LNX1: variants seen among roughly 807,000 people sequenced by gnomAD.
LNX1 encodes the protein ligand of numb-protein X 1, also known as E3 ubiquitin-protein ligase LNX.
A neutral mutation model predicts 68.4 loss-of-function variants in LNX1; 54 were observed. That is an observed-to-expected ratio of 0.79 (90% CI 0.63 to 0.99). LNX1 has a LOEUF of 0.99. LNX1 is among the 50% of genes least tolerant of loss of function. The pLI is 0.00. For missense variants in LNX1, 906 were observed against 926.4 expected, an observed-to-expected ratio of 0.98 and a Z score of 0.29; for synonymous variants, 336 against 350.0, an observed-to-expected ratio of 0.96 and a Z score of 0.45.
chr4:53,644,359 G>A (rs571670718), intron 1 of LNX1, among the ~76,000 whole-genome samples: 31 of 152,182 alleles, frequency 2.0e-4, no homozygotes, highest in Non-Finnish European at 3.8e-4. Context: ...CCGAGATCAC[G>A]CCACTGCACT....
At chr4:53,580,273 C>G (rs1731753310) in intron 1 of LNX1, among the ~76,000 whole-genome samples, 1 of 152,150 alleles carries the variant, frequency 6.6e-6, no homozygotes, top group African/African-American at 2.4e-5. Context: ...CTTTTTAAGT[C>G]CTTTAATTAT....
At chr4:53,592,107 T>C (rs1211614058), upstream of LNX1, among the ~76,000 whole-genome samples, 1 of 152,162 alleles carries the variant, frequency 6.6e-6, no homozygotes, top group African/African-American at 2.4e-5. Flanking sequence ...CCAGCATTTT[T>C]AATTCCATAT....
At chr4:53,486,729 G>A (rs960042202) in intron 6 of LNX1, among the ~76,000 whole-genome samples, 5 of 152,180 alleles carry the variant, frequency 3.3e-5, no homozygotes, top group Non-Finnish European at 7.3e-5. Flanking sequence ...CGTCTGTATG[G>A]AAGGACTGGC....
At chr4:53,490,362 T>C (rs1405198612) in intron 6 of LNX1, among the ~76,000 whole-genome samples, 1 of 152,256 alleles carries the variant, frequency 6.6e-6, no homozygotes, top group Non-Finnish European at 1.5e-5. Context: ...TTTCATACAG[T>C]TATTCCAGTC....
intron 1 of LNX1, among the ~76,000 whole-genome samples, chr4:53,622,936 G>GT (rs1733940539): frequency 6.6e-6 from 1 of 152,182 alleles, no homozygotes; most frequent in Non-Finnish European, 1.5e-5. Context: ...CTGGAGGAGA[G>GT]TTTTAATGAG....
intron 4 of LNX1, among the ~76,000 whole-genome samples, chr4:53,506,653 G>A (rs1194863693): frequency 1.3e-5 from 2 of 151,830 alleles, no homozygotes; most frequent in Non-Finnish European, 2.9e-5. Flanking sequence ...TCAGGAGTTC[G>A]AGACTAGCAT....
intron 1 of LNX1, among the ~76,000 whole-genome samples, chr4:53,636,205 C>CTTTTTTTTTTTGTTTTTTTTT (rs1438647671): frequency 1.2e-5 from 1 of 81,286 alleles, no homozygotes; most frequent in African/African-American, 4.7e-5. Context: ...TTTTTTTTTC[C>CTTTTTTTTTTTGTTTTTTTTT]TTTTCAGGGG....
At chr4:53,570,830 A>G (rs182056266) in intron 2 of LNX1, among the ~76,000 whole-genome samples, 1,687 of 151,490 alleles carry the variant, frequency 0.011, 27 homozygotes, top group African/African-American at 0.038. Context: ...GATCGAGACC[A>G]TCCTGGCTAA....
chr4:53,459,514 CT>C lies in LNX1; in HGVS notation c.*1392del. The C allele has an allele frequency of 6.2e-7, 1 of 1,602,114 alleles. No homozygotes were observed. The highest frequency in any genetic ancestry group is 8.5e-7 in the Non-Finnish European group (1 of 1,172,024). On this transcript the variant is annotated 3_prime_UTR_variant, in exon 11 of 11. Transcript: ENST00000263925. ...AGATACTATAAATCTTGTTATTTTT[CT>C]GGATAATGTTTAAGAAATTTACCTT... is the stretch of plus-strand genomic sequence containing the variant.
chr4:53,480,330 C>T (rs1255369719), intron 7 of LNX1, among the ~76,000 whole-genome samples: 2 of 152,128 alleles, frequency 1.3e-5, no homozygotes, highest in African/African-American at 4.8e-5. Context: ...AGAAATGTGA[C>T]CAGATCCTCC....
At chr4:53,475,821 G>A (rs907491766) in intron 9 of LNX1, among the ~76,000 whole-genome samples, 4 of 152,168 alleles carry the variant, frequency 2.6e-5, no homozygotes, top group Non-Finnish European at 4.4e-5. Flanking sequence ...GTCACTGTAA[G>A]GCTCTAAAAT....
chr4:53,574,166 C>T (rs549836935), intron 1 of LNX1, 78 bp from the exon 2 acceptor site: 3 of 1,083,966 alleles, frequency 2.8e-6, no homozygotes, highest in Non-Finnish European at 3.8e-6. Flanking sequence ...TGAGACAGGG[C>T]TGCCAATGCA....
intron 6 of LNX1, among the ~76,000 whole-genome samples, chr4:53,492,586 C>G (rs1724775168): frequency 7.0e-6 from 1 of 143,420 alleles, no homozygotes; most frequent in South Asian, 2.2e-4. Context: ...CTCATTCTCT[C>G]TGCTGTGCAT....
intron 2 of LNX1, among the ~76,000 whole-genome samples, chr4:53,519,152 C>T (rs1164151752): frequency 1.3e-5 from 2 of 152,210 alleles, no homozygotes; most frequent in Non-Finnish European, 1.5e-5. Context: ...AAATAATTAG[C>T]TCCAAACACA....
rs571608426 is a variant in LNX1, at chr4:53,575,129, G to A, written c.-86-1041C>T. On this transcript the variant is annotated intron_variant, in intron 1 of 10. Transcript: ENST00000263925. The stretch of plus-strand genomic sequence containing the variant: ...CCTGAGTAGCTGGGATTACAGGCGC[G>A]CGCCACCATGCCTGGCTAATTTTTG... Among the ~76,000 whole-genome samples, 36 of 152,058 alleles carry A rather than the reference G, an allele frequency of 2.4e-4. No individual in the cohort carries two copies. In the South Asian group the frequency reaches 5.6e-3, roughly 24 times the overall value.
chr4:53,631,571 C>T (rs530779287), intron 1 of LNX1, among the ~76,000 whole-genome samples: 7 of 152,312 alleles, frequency 4.6e-5, no homozygotes, highest in African/African-American at 1.4e-4. Context: ...AAAAAATCCT[C>T]AAGCCAGTGG....
intron 1 of LNX1, among the ~76,000 whole-genome samples, chr4:53,578,639 TGAATG>T (rs1247056681): frequency 3.3e-5 from 5 of 152,236 alleles, no homozygotes; most frequent in African/African-American, 1.2e-4. Context: ...TGAGGCAGAA[TGAATG>T]GAATGGAGTA....
At chr4:53,585,242 G>A (rs1435679067) in intron 1 of LNX1, among the ~76,000 whole-genome samples, 2 of 152,176 alleles carry the variant, frequency 1.3e-5, no homozygotes, top group Admixed American at 1.3e-4. Context: ...GAAGAACTCA[G>A]TAGGCCTTTA....
At chr4:53,590,080 C>A (rs76516048) in intron 1 of LNX1, among the ~76,000 whole-genome samples, 22,460 of 151,998 alleles carry the variant, frequency 0.15, 1,721 homozygotes, top group African/African-American at 0.18. Context: ...GCCAAACCCC[C>A]CCCCTTAAAC....
Sources: allele counts gnomAD v4.1 joint callset (sites outside exome capture counted in the v4.1 genomes callset), GRCh38; gene constraint gnomAD v4.1.1; transcripts MANE v1.5; gene names NCBI Gene and HGNC (gene_info 2026-07-23, HGNC 2026-07-21).